MYO16: variants seen among roughly 807,000 people sequenced by gnomAD.
MYO16 encodes myosin XVI, also known as unconventional myosin-XVI.
Under a neutral mutation model 205.3 loss-of-function variants are expected in MYO16, and 94 were observed. The ratio of observed to expected loss-of-function variants is 0.46; its 90% CI spans 0.39 to 0.54. The LOEUF is 0.54. MYO16 is among the 20% of genes least tolerant of loss of function. The probability of loss-of-function intolerance (pLI) is 0.00; values close to 1 mark genes in which losing one functional copy is unlikely to be tolerated. For missense variants in MYO16, 2,315 were observed against 2,387.5 expected (o/e 0.97, Z 0.63); for synonymous variants, 988 against 954.0 (o/e 1.04, Z -0.66).
chr13:108,553,720 A>G, the MYO16 span, among the ~76,000 whole-genome samples: 9 of 152,120 alleles, frequency 5.9e-5, no homozygotes, highest in African/African-American at 2.2e-4. Context: ...TTGGATTGCA[A>G]ATATTCTGGT....
At chr13:108,703,709 C>G (rs1280056131) in intron 2 of MYO16, among the ~76,000 whole-genome samples, 1 of 152,154 alleles carries the variant, frequency 6.6e-6, no homozygotes. Flanking sequence ...AGTATGTTCT[C>G]TCACCATAAT....
chr13:108,799,221 A>G (rs1010703477), intron 6 of MYO16, among the ~76,000 whole-genome samples: 2 of 152,220 alleles, frequency 1.3e-5, no homozygotes, highest in Admixed American at 6.5e-5. Flanking sequence ...CCAATCCCAT[A>G]TTATAATTAA....
In MYO16 at chr13:108,799,165, C is replaced by A. The variant is rs1409079973; in HGVS notation, c.741+5525C>A. 2.0e-5 allele frequency among the ~76,000 whole-genome samples: 3 copies of A among 152,314 alleles called. No homozygotes were observed. The East Asian group carries it at 5.8e-4, about 29-fold the overall frequency. On this transcript the variant is annotated intron_variant, in intron 6 of 34. Transcript: ENST00000457511. Reference sequence around the variant, plus strand: ...TTATGGTCATTTTTAAAGAATACAACTTCTGTGATCACTTTATGTCACAAA... The same window carrying A: ...TTATGGTCATTTTTAAAGAATACAAATTCTGTGATCACTTTATGTCACAAA...
intron 32 of MYO16, among the ~76,000 whole-genome samples, chr13:109,164,421 TCG>T: frequency 1.3e-5 from 2 of 152,318 alleles, no homozygotes; most frequent in South Asian, 4.1e-4. Context: ...AATGCGGAAG[TCG>T]AGTATTGAAG....
intron 27 of MYO16, among the ~76,000 whole-genome samples, chr13:109,063,327 G>A (rs1431270): frequency 0.12 from 17,654 of 152,082 alleles, 1,409 homozygotes; most frequent in East Asian, 0.42. Context: ...GCTTCAGAGC[G>A]GGATTATAAA....
chr13:108,779,421 A>T (rs1368751097), intron 4 of MYO16: 2 of 152,288 alleles, frequency 1.3e-5, no homozygotes, highest in Non-Finnish European at 2.9e-5. Flanking sequence ...CAGGGAGCAG[A>T]TACTGCTTCT....
intron 2 of MYO16, among the ~76,000 whole-genome samples, chr13:108,666,655 T>A (rs1881746046): frequency 6.6e-6 from 1 of 152,162 alleles, no homozygotes; most frequent in South Asian, 2.1e-4. Flanking sequence ...CATCCTTAGC[T>A]CATGCTTTGA....
intron 34 of MYO16, among the ~76,000 whole-genome samples, chr13:109,189,825 T>C (rs991160436): frequency 1.3e-5 from 2 of 152,210 alleles, no homozygotes; most frequent in African/African-American, 2.4e-5. Flanking sequence ...TCATTTAGAG[T>C]AGGCCCAAGA....
chr13:108,705,446 T>C (rs1017407756), intron 2 of MYO16, among the ~76,000 whole-genome samples: 2 of 152,066 alleles, frequency 1.3e-5, no homozygotes, highest in Admixed American at 6.6e-5. Flanking sequence ...AGAATAAGAG[T>C]GAGCAAAATA....
chr13:108,983,643 G>C (rs1188553782), intron 20 of MYO16, among the ~76,000 whole-genome samples: 1 of 152,158 alleles, frequency 6.6e-6, no homozygotes, highest in Non-Finnish European at 1.5e-5. Context: ...GCGGAAGCAG[G>C]CAAGCAATTC....
the MYO16 span, among the ~76,000 whole-genome samples, chr13:108,500,058 T>C: frequency 6.6e-6 from 1 of 151,848 alleles, no homozygotes. Flanking sequence ...CCTGCACCTC[T>C]TGGTGGGTGC....
At chr13:108,838,690 T>TATATATAC (rs1487944143) in intron 9 of MYO16, among the ~76,000 whole-genome samples, 3 of 135,958 alleles carry the variant, frequency 2.2e-5, no homozygotes, top group African/African-American at 8.4e-5. Flanking sequence ...TATATATATA[T>TATATATAC]ACACACACAC....
chr13:109,023,953 A>G (rs1886263906), intron 23 of MYO16, among the ~76,000 whole-genome samples: 2 of 142,020 alleles, frequency 1.4e-5, no homozygotes, highest in Non-Finnish European at 3.0e-5. Flanking sequence ...ATATGTATAT[A>G]AATATATACT....
At chr13:108,990,888 T>C (rs1884806492) in intron 20 of MYO16, among the ~76,000 whole-genome samples, 1 of 152,196 alleles carries the variant, frequency 6.6e-6, no homozygotes, top group Non-Finnish European at 1.5e-5. Flanking sequence ...TTATGTACTG[T>C]ACGTGAAAAA....
chr13:108,848,609 C>T lies in MYO16; in HGVS notation c.1248+4116C>T, dbSNP rs568730399. ...TGAGGCCAGCAGTTCAAGACCAGCC[C>T]GGCAACATAGCAAAACCCCATCTCT... On this transcript the variant is annotated intron_variant, in intron 10 of 34. Transcript: ENST00000457511. Among the ~76,000 whole-genome samples the T allele has an allele frequency of 3.9e-5, 6 of 152,036 alleles. No individual in the cohort carries two copies. In the Middle Eastern group the frequency reaches 0.01, roughly 260 times the overall value.
At chr13:108,593,362 G>A (rs1386457678), upstream of MYO16, among the ~76,000 whole-genome samples, 1 of 152,152 alleles carries the variant, frequency 6.6e-6, no homozygotes, top group Non-Finnish European at 1.5e-5. Flanking sequence ...CAACAGAACA[G>A]AGGTTTCTGG....
intron 15 of MYO16, 64 bp downstream of exon 15, chr13:108,898,197 C>A: frequency 8.0e-7 from 1 of 1,255,130 alleles, no homozygotes; most frequent in Non-Finnish European, 1.2e-6. Flanking sequence ...ACGTCACACA[C>A]AGGCACGCTA....
chr13:108,580,563 G>C, the MYO16 span, among the ~76,000 whole-genome samples: 1 of 152,172 alleles, frequency 6.6e-6, no homozygotes, highest in Non-Finnish European at 1.5e-5. Context: ...ATACACGTTT[G>C]TTCCTAGTAA....
intron 31 of MYO16, among the ~76,000 whole-genome samples, chr13:109,129,878 A>G (rs1040839592): frequency 1.3e-5 from 2 of 152,008 alleles, no homozygotes; most frequent in African/African-American, 4.8e-5. Flanking sequence ...TGCACCTTAA[A>G]ACACCACTGC....
Sources: allele counts gnomAD v4.1 joint callset (sites outside exome capture counted in the v4.1 genomes callset), GRCh38; gene constraint gnomAD v4.1.1; transcripts MANE v1.5; gene names NCBI Gene and HGNC (gene_info 2026-07-23, HGNC 2026-07-21).